The following INTS2 variants were observed in gnomAD, a reference collection of about 807,000 sequenced individuals.
INTS2 encodes the protein integrator complex subunit 2, also known as KIAA1287.
INTS2 carries 57 observed loss-of-function variants against 139.6 expected under a neutral mutation model. That is an observed-to-expected ratio of 0.41 (90% confidence interval 0.33 to 0.51). The LOEUF (loss-of-function observed/expected upper bound fraction) is 0.51. INTS2 is among the 20% of genes least tolerant of loss of function. The pLI is 0.28. For synonymous variants in INTS2, 473 were observed against 493.4 expected, an observed-to-expected ratio of 0.96 and a Z score of 0.55; for missense variants, 1,196 against 1,436.7, an observed-to-expected ratio of 0.83 and a Z score of 2.71.
At chr17:61,898,251 A>G (rs1467350929) in intron 9 of INTS2, among the ~76,000 whole-genome samples, 1 of 152,150 alleles carries the variant, frequency 6.6e-6, no homozygotes, top group African/African-American at 2.4e-5. Context: ...TAATCATGGG[A>G]AAAAAGGCAG....
At chr17:61,874,530 G>A (rs978949343) in intron 19 of INTS2, among the ~76,000 whole-genome samples, 1 of 152,150 alleles carries the variant, frequency 6.6e-6, no homozygotes, top group Non-Finnish European at 1.5e-5. Context: ...TCACTATTGT[G>A]CATGCCAAAA....
intron 17 of INTS2, among the ~76,000 whole-genome samples, chr17:61,878,944 A>AAAAAAAAAC (rs1555621256): frequency 0.048 from 6,586 of 137,150 alleles, 1,124 homozygotes; most frequent in African/African-American, 0.22. Flanking sequence ...AAAAAAAAAA[A>AAAAAAAAAC]AAAAAAAAAA....
rs1298027908 is a variant in INTS2, at chr17:61,866,365, A to C, written c.*1192T>G. On this transcript the variant is annotated 3_prime_UTR_variant, in exon 25 of 25. Coordinates refer to ENST00000251334, the MANE Select transcript of INTS2 (RefSeq NM_001351695.2). ...GGGGAAGACTCCACCTCAGGAAAAA[A>C]AAAAAAAAAACACAAGTGAAGAGGT... is the stretch of plus-strand genomic sequence containing the variant. The C allele has an allele frequency of 6.6e-6, 1 of 152,112 alleles. No homozygotes were observed. Among genetic ancestry groups the C allele is most frequent in the African/African-American group, 2.4e-5 (1 of 41,388 alleles). The allele number at this position is 152,112 out of a possible 1,614,324, so 9.4% of individuals were successfully genotyped here. A position where few individuals can be genotyped will look rare whatever the true frequency, so the allele number is the denominator to read the frequency against.
At chr17:61,894,546 A>C (rs1311814970) in intron 12 of INTS2, among the ~76,000 whole-genome samples, 1 of 152,156 alleles carries the variant, frequency 6.6e-6, no homozygotes, top group Non-Finnish European at 1.5e-5. Context: ...TAAAGATATT[A>C]ATAGCCACAA....
At chr17:61,895,515 G>A (rs1476927290) in intron 11 of INTS2, 132 bp from the exon 12 acceptor site, 1 of 512,484 alleles carries the variant, frequency 2.0e-6, no homozygotes, top group Non-Finnish European at 3.4e-6. Context: ...TGTTTTAGAA[G>A]TGCTTTCCCA....
intron 8 of INTS2, among the ~76,000 whole-genome samples, chr17:61,905,374 G>A (rs749088259): frequency 7.2e-5 from 11 of 152,100 alleles, no homozygotes; most frequent in Non-Finnish European, 8.8e-5. Context: ...TCGCCCAGGC[G>A]GGAGCGCAGT....
Position 61,876,426 on chromosome 17 carries a change from CT to C in INTS2, c.2457-1389del, listed in dbSNP as rs1340804110. 1.3e-5 allele frequency among the ~76,000 whole-genome samples: 2 copies of C among 151,364 alleles called. No homozygotes were observed. Among genetic ancestry groups the C allele is most frequent in the Non-Finnish European group, 2.9e-5 (2 of 67,878 alleles). ...CAGATGGGAACATGAAGACAGAAAG[CT>C]CTGAAAGGAATGTCTCCAAGAAAAA... On this transcript the variant is annotated intron_variant, in intron 18 of 24. Coordinates refer to ENST00000251334, the MANE Select transcript of INTS2 (RefSeq NM_001351695.2). This position sits in a 1 kb window ranked among gnomAD's most constrained non-coding sequence, Gnocchi z 4.1.
chr17:61,917,577 T>C (rs1567917569), intron 5 of INTS2, among the ~76,000 whole-genome samples: 2 of 152,100 alleles, frequency 1.3e-5, no homozygotes, highest in Non-Finnish European at 2.9e-5. Context: ...AGTTAAACAT[T>C]GGGTACACAT....
rs1444557817 is a variant in INTS2, at chr17:61,868,328, A to G, written c.3245-319T>C. 1.3e-5 allele frequency among the ~76,000 whole-genome samples: 2 copies of G among 152,120 alleles called. No individual in the cohort carries two copies. Among genetic ancestry groups the G allele is most frequent in the African/African-American group, 2.4e-5 (1 of 41,464 alleles). On this transcript the variant is annotated intron_variant, in intron 23 of 24. Transcript: ENST00000251334. This position sits in a 1 kb window ranked among gnomAD's most constrained non-coding sequence, Gnocchi z 4.7. ...TAAAAAAAGGTTAGAGAGGTTAAGA[A>G]ACTTGTTAAAGATCACAAGCCAGTT...
At chr17:61,902,659 A>C (rs977837243) in intron 9 of INTS2, among the ~76,000 whole-genome samples, 1 of 151,868 alleles carries the variant, frequency 6.6e-6, no homozygotes, top group South Asian at 2.1e-4. Context: ...GGACTGTTTC[A>C]GGCCATGAGT....
In INTS2 at chr17:61,927,771, C is replaced by G. The variant is rs762619302; in HGVS notation, c.-136G>C. The G allele has an allele frequency of 1.9e-4, 292 of 1,569,890 alleles. 1 individual carries two copies. Among genetic ancestry groups the G allele is most frequent in the Non-Finnish European group, 4.2e-5 (49 of 1,158,670 alleles). On this transcript the variant is annotated 5_prime_UTR_variant, in exon 1 of 25. Transcript: ENST00000251334. The stretch of plus-strand genomic sequence containing the variant: ...TGGGCCTAGGCGATATCCGGAACCC[C>G]AAACCCTAGTTGTGCCTCGAGTCGA...
At chr17:61,903,058 G>C (rs911197576) in intron 9 of INTS2, among the ~76,000 whole-genome samples, 18 of 149,942 alleles carry the variant, frequency 1.2e-4, no homozygotes, top group Non-Finnish European at 2.4e-4. Context: ...CCAGCTACTC[G>C]GGAGGCTGAG....
intron 13 of INTS2, among the ~76,000 whole-genome samples, chr17:61,892,039 G>C (rs943432823): frequency 4.6e-5 from 7 of 152,104 alleles, no homozygotes; most frequent in Non-Finnish European, 1.0e-4. Context: ...AATTTGGAGA[G>C]AGAGAGATAG....
At position 61,881,124 on chromosome 17, in the gene INTS2, A is replaced by G. The variant is rs2145912953; in HGVS notation, c.2137T>C (p.Leu713=). ...LRLLATNYPH[L]CIVDDWICEE... The stretch of plus-strand genomic sequence containing the variant: ...CAAATCCAGTCATCCACAATACATA[A>G]ATGTGGGTAGTTAGTAGCAAGGAGA... Residue 713 remains leucine, a synonymous_variant, in exon 17 of 25, where the codon TTA becomes CTA. Transcript: ENST00000251334. 3 of 1,613,682 alleles carry G rather than the reference A, an allele frequency of 1.9e-6. No individual in the cohort carries two copies. The East Asian group carries it at 6.7e-5, about 36-fold the overall frequency.
At chr17:61,883,406 G>A (rs78594981) in intron 16 of INTS2, among the ~76,000 whole-genome samples, 2,886 of 150,204 alleles carry the variant, frequency 0.019, 25 homozygotes, top group Admixed American at 0.024. Flanking sequence ...GCAGACATCC[G>A]GTTAACGATG....
intron 6 of INTS2, 85 bp from the exon 7 acceptor site, chr17:61,911,778 T>C (rs1228635642): frequency 1.4e-6 from 2 of 1,463,774 alleles, no homozygotes; most frequent in East Asian, 2.3e-5. Flanking sequence ...ATCTAAAGTT[T>C]AGAGGAAGAA....
chr17:61,881,982 T>C (rs1424890262), intron 16 of INTS2, among the ~76,000 whole-genome samples: 1 of 152,198 alleles, frequency 6.6e-6, no homozygotes, highest in African/African-American at 2.4e-5. Context: ...GGGACTATCA[T>C]ATATGGTTTG....
intron 8 of INTS2, among the ~76,000 whole-genome samples, chr17:61,906,126 G>A (rs897520944): frequency 2.4e-4 from 37 of 152,298 alleles, no homozygotes; most frequent in African/African-American, 7.0e-4. Flanking sequence ...TACAGGTTGA[G>A]TAACCCCAAT....
chr17:61,884,873 T>G, intron 16 of INTS2, 28 bp downstream of exon 16: 2 of 1,331,018 alleles, frequency 1.5e-6, no homozygotes, highest in South Asian at 2.5e-5. Context: ...CAATAAACTT[T>G]AGCAGTAAAA....
Sources: allele counts gnomAD v4.1 joint callset (sites outside exome capture counted in the v4.1 genomes callset), GRCh38; gene constraint gnomAD v4.1.1; non-coding constraint Gnocchi (gnomAD v3.1); transcripts MANE v1.5; gene names NCBI Gene and HGNC (gene_info 2026-07-23, HGNC 2026-07-21).